Variants in ACAP2 observed in about 807,000 individuals in gnomAD.
The protein encoded by ACAP2 is arf-GAP with coiled-coil, ANK repeat and PH domain-containing protein 2.
ACAP2 carries 39 observed loss-of-function variants against 115.8 expected under a neutral mutation model. The ratio of observed to expected loss-of-function variants is 0.34; its 90% confidence interval spans 0.26 to 0.44. The LOEUF (loss-of-function observed/expected upper bound fraction) is 0.44. Among genes scored for constraint, ACAP2 ranks in the 20% least tolerant of loss-of-function variants. The pLI, the probability that ACAP2 is intolerant of heterozygous loss-of-function variation, is 1.00. For missense variants in ACAP2, 662 were observed against 927.6 expected (o/e 0.71, Z 3.72); for synonymous variants, 289 against 315.8 (o/e 0.92, Z 0.90).
At chr3:195,378,018 T>C (rs1354558008) in intron 4 of ACAP2, among the ~76,000 whole-genome samples, 2 of 145,510 alleles carry the variant, frequency 1.4e-5, no homozygotes, top group Non-Finnish European at 3.0e-5. Flanking sequence ...CAACAGAGAG[T>C]ATGAGGTTTC....
chr3:195,355,199 TGTCAATAAAGCAA>T lies in ACAP2; in HGVS notation c.286-9895_286-9883del, dbSNP rs201311741. ...ACTTCCATTAGTGTGAAAAGTATGT[TGTCAATAAAGCAA>T]CAGTTCTGTCTCTGACTTGCCAATT... On this transcript the variant is annotated intron_variant, in intron 4 of 22. Coordinates refer to ENST00000326793, the MANE Select transcript of ACAP2 (RefSeq NM_012287.6). 9.9e-3 allele frequency among the ~76,000 whole-genome samples: 1,506 copies of T among 152,242 alleles called. 13 individuals carry two copies. Among genetic ancestry groups the T allele is most frequent in the Non-Finnish European group, 0.014 (961 of 68,014 alleles).
At chr3:195,366,480 G>A (rs1438080817) in intron 4 of ACAP2, among the ~76,000 whole-genome samples, 1 of 152,138 alleles carries the variant, frequency 6.6e-6, no homozygotes, top group Non-Finnish European at 1.5e-5. Flanking sequence ...TGCCAGGTGT[G>A]ACCAAACATT....
chr3:195,424,261 GTATATA>G (rs1277754660), intron 1 of ACAP2, among the ~76,000 whole-genome samples: 39 of 54,680 alleles, frequency 7.1e-4, no homozygotes, highest in African/African-American at 1.6e-3. Flanking sequence ...GTGTGTGTGT[GTATATA>G]TATATATATA....
intron 1 of ACAP2, among the ~76,000 whole-genome samples, chr3:195,428,976 A>C (rs1714900638): frequency 6.6e-6 from 1 of 152,206 alleles, no homozygotes; most frequent in African/African-American, 2.4e-5. Flanking sequence ...TTTGTATAAG[A>C]ATGTTCGTAA....
chr3:195,415,337 T>C (rs1274131223), intron 1 of ACAP2, among the ~76,000 whole-genome samples: 2 of 150,888 alleles, frequency 1.3e-5, no homozygotes, highest in Non-Finnish European at 2.9e-5. Context: ...GGAAGTGCAG[T>C]GCTGCAATGG....
rs528459292 is a variant in ACAP2 at position 195,312,563 on chromosome 3, C to G, written c.858-3726G>C. ...CTCACTGCAGTCTGGAAATCCTGGGCTCAAGTGATCCTCCCACCTCAGCCT... is the reference window on the plus strand; with the variant it reads ...CTCACTGCAGTCTGGAAATCCTGGGGTCAAGTGATCCTCCCACCTCAGCCT... On this transcript the variant is annotated intron_variant, in intron 10 of 22. Coordinates refer to ENST00000326793, the MANE Select transcript of ACAP2 (RefSeq NM_012287.6). Among the ~76,000 whole-genome samples the G allele has an allele frequency of 2.2e-3, 338 of 152,088 alleles. 3 individuals are homozygous for G. The highest frequency in any genetic ancestry group is 7.1e-3 in the African/African-American group (294 of 41,478).
intron 10 of ACAP2, among the ~76,000 whole-genome samples, chr3:195,319,156 C>T (rs749517293): frequency 7.2e-5 from 11 of 152,172 alleles, no homozygotes; most frequent in Admixed American, 3.3e-4. Context: ...GCATGGAAGA[C>T]GAGAATTTAG....
At chr3:195,286,811 CAG>C (rs773686959) in intron 21 of ACAP2, among the ~76,000 whole-genome samples, 30 of 152,178 alleles carry the variant, frequency 2.0e-4, no homozygotes, top group Non-Finnish European at 3.8e-4. Context: ...GATTTGAAAA[CAG>C]ATTATTTTTA....
chr3:195,394,487 T>G (rs986674167), intron 1 of ACAP2, among the ~76,000 whole-genome samples: 5 of 152,168 alleles, frequency 3.3e-5, no homozygotes, highest in East Asian at 1.9e-4. Context: ...ACTGTGCAAT[T>G]CTACTAATTC....
intron 2 of ACAP2, among the ~76,000 whole-genome samples, chr3:195,389,140 G>T (rs1350104564): frequency 6.6e-6 from 1 of 152,058 alleles, no homozygotes; most frequent in Non-Finnish European, 1.5e-5. Flanking sequence ...AAGCTGTCAG[G>T]TTTCCATGTG....
At chr3:195,282,423 A>C (rs1249328927) in intron 22 of ACAP2, 22 of 152,252 alleles carry the variant, frequency 1.4e-4, no homozygotes, top group Admixed American at 1.4e-3. Context: ...TTCTAACAAA[A>C]CATTAATTAA....
chr3:195,386,201 A>G (rs1391797475), intron 2 of ACAP2, among the ~76,000 whole-genome samples: 1 of 152,182 alleles, frequency 6.6e-6, no homozygotes, highest in Non-Finnish European at 1.5e-5. Context: ...CCAGGGACAG[A>G]AAGTAGATTA....
At chr3:195,359,021 A>C (rs1732173032) in intron 4 of ACAP2, among the ~76,000 whole-genome samples, 1 of 152,234 alleles carries the variant, frequency 6.6e-6, no homozygotes, top group South Asian at 2.1e-4. Flanking sequence ...GAGAGAGAGT[A>C]GCATGACATA....
At chr3:195,334,693 A>G (rs7652775) in intron 7 of ACAP2, among the ~76,000 whole-genome samples, 2,063 of 152,298 alleles carry the variant, frequency 0.014, 40 homozygotes, top group African/African-American at 0.045. Flanking sequence ...AGCATGGGGG[A>G]AAAACTGCAA....
chr3:195,311,294 A>G (rs2109000027), intron 10 of ACAP2, among the ~76,000 whole-genome samples: 1 of 152,002 alleles, frequency 6.6e-6, no homozygotes, highest in East Asian at 1.9e-4. Context: ...ACGAGGTTTT[A>G]CCATGTTGGC....
At chr3:195,330,935 T>C (rs917594394) in intron 8 of ACAP2, among the ~76,000 whole-genome samples, 3 of 152,214 alleles carry the variant, frequency 2.0e-5, no homozygotes, top group African/African-American at 7.2e-5. Context: ...TTAGCCACTT[T>C]GAACCATGAG....
Position 195,275,943 on chromosome 3 carries a change from G to C in ACAP2, c.*3385C>G, listed in dbSNP as rs555640950. On this transcript the variant is annotated 3_prime_UTR_variant, in exon 23 of 23. Transcript: ENST00000326793. ...CAGTGCTCCTTCCACCGTATCATGC[G>C]GTTCTAAAGTCATTCTGGACATACA... The C allele has an allele frequency of 2.0e-5, 3 of 152,556 alleles. No homozygotes were observed. The highest frequency in any genetic ancestry group is 7.2e-5 in the African/African-American group (3 of 41,424). 9.5% of individuals were successfully genotyped at this position (152,556 alleles called of 1,614,324 possible). A position where few individuals can be genotyped will look rare whatever the true frequency, so the allele number is the denominator to read the frequency against.
intron 4 of ACAP2, among the ~76,000 whole-genome samples, chr3:195,379,786 A>C (rs896914199): frequency 6.6e-6 from 1 of 152,212 alleles, no homozygotes. Context: ...TCTGGGTGAC[A>C]GAGTGAGACC....
At chr3:195,374,365 G>C (rs1733374792) in intron 4 of ACAP2, among the ~76,000 whole-genome samples, 1 of 152,194 alleles carries the variant, frequency 6.6e-6, no homozygotes, top group African/African-American at 2.4e-5. Context: ...ACTCCAGCCT[G>C]GGGGCTGATC....
Sources: gnomAD v4.1 joint callset for allele counts (sites outside exome capture counted in the v4.1 genomes callset) on GRCh38, gnomAD v4.1.1 for gene constraint, MANE v1.5 for transcripts, NCBI Gene and HGNC (gene_info 2026-07-23, HGNC 2026-07-21) for gene names.